Variants in NCKIPSD observed in about 807,000 individuals in gnomAD.
NCKIPSD encodes the protein NCK-interacting protein with SH3 domain.
NCKIPSD carries 48 observed loss-of-function variants against 73.4 expected under a neutral mutation model. The ratio of observed to expected loss-of-function variants is 0.65; its 90% CI spans 0.52 to 0.83. The LOEUF (loss-of-function observed/expected upper bound fraction) is 0.83. Among genes scored for constraint, NCKIPSD ranks in the 40% least tolerant of loss-of-function variants. The probability of loss-of-function intolerance (pLI) is 0.00; values close to 1 mark genes in which losing one functional copy is unlikely to be tolerated. For synonymous variants in NCKIPSD, 422 were observed against 403.6 expected (o/e 1.05, Z -0.54); for missense variants, 884 against 970.2 (o/e 0.91, Z 1.18).
intron 1 of NCKIPSD, 21 bp from the exon 2 acceptor site, chr3:48,683,033 C>T: frequency 1.3e-6 from 2 of 1,548,486 alleles, no homozygotes; most frequent in Middle Eastern, 1.7e-4. Flanking sequence ...CAGGGGACAG[C>T]AGTTAGACCT....
intron 1 of NCKIPSD, 87 bp downstream of exon 1, chr3:48,685,550 G>T: frequency 1.4e-6 from 2 of 1,418,294 alleles, no homozygotes; most frequent in South Asian, 1.4e-5. Flanking sequence ...GTCCCGGAGA[G>T]GGTGGGGTCC....
chr3:48,674,662 T>C lies in NCKIPSD; in HGVS notation c.2051A>G (p.Gln684Arg), dbSNP rs780518114. The change falls in exon 13 of 13, where the codon CAG (glutamine) becomes CGG (arginine). Residue 684 changes from glutamine (Q) to arginine (R), a missense_variant. By Grantham distance (43) the Gln-to-Arg change is conservative. Transcript: ENST00000294129. Reference protein sequence around the residue: ...LQHRHRLPDLQAILRRILNEE... With the variant: ...LQHRHRLPDLRAILRRILNEE... ...ATTCAGGATGCGTCGCAGTATGGCCTGCAGGTCGGGTAGCCGGTGGCGGTG... is the reference window on the plus strand; with the variant it reads ...ATTCAGGATGCGTCGCAGTATGGCCCGCAGGTCGGGTAGCCGGTGGCGGTG... 12 of 1,614,042 alleles carry C rather than the reference T, an allele frequency of 7.4e-6. No homozygotes were observed. Among genetic ancestry groups the C allele is most frequent in the Non-Finnish European group, 1.0e-5 (12 of 1,179,974 alleles).
Position 48,682,441 on chromosome 3 carries a change from G to A in NCKIPSD, c.393C>T (p.Ala131=). 1 of 1,614,180 alleles carries A rather than the reference G, an allele frequency of 6.2e-7. No homozygotes were observed. The highest frequency in any genetic ancestry group is 1.1e-5 in the South Asian group (1 of 91,088). ...TSDHHLDAAA[A]RQPNGVCRAG... ...CTCGACACACCCCATTGGGCTGCCT[G>A]GCTGCAGCAGCATCCAAGTGGTGGT... Residue 131 remains alanine, a synonymous_variant, in exon 3 of 13, where the codon GCC becomes GCT. Coordinates refer to ENST00000294129, the MANE Select transcript of NCKIPSD (RefSeq NM_016453.4).
At position 48,682,035 on chromosome 3, in the gene NCKIPSD, G is replaced by A. The variant is rs774076989; in HGVS notation, c.598+10C>T. 1 of 1,599,084 alleles carries A rather than the reference G, an allele frequency of 6.3e-7. No individual in the cohort carries two copies. The highest frequency in any genetic ancestry group is 8.5e-7 in the Non-Finnish European group (1 of 1,179,084). On this transcript the variant is annotated intron_variant, in intron 4 of 12. Transcript: ENST00000294129. ...CCTCCACCTGAATTCCCCTAACCCT[G>A]CCTTCTTACCACTCCCAGAGGCCAT... is the stretch of plus-strand genomic sequence containing the variant.
chr3:48,685,763 C>A lies in NCKIPSD; in HGVS notation c.45G>T (p.Ala15=). The A allele has an allele frequency of 1.3e-6, 2 of 1,532,928 alleles. No individual in the cohort carries two copies. Among genetic ancestry groups the A allele is most frequent in the South Asian group, 1.2e-5 (1 of 83,556 alleles). 95.0% of individuals were successfully genotyped at this position (1,532,928 alleles called of 1,614,324 possible). Residue 15 remains alanine, a synonymous_variant, in exon 1 of 13, where the codon GCG becomes GCT. Transcript: ENST00000294129. ...AGGTCTCGCCCGCGGCGAACGCCAG[C>A]GCGTTGGGCTCCGCCGAGCGGAACG... ...LYAFRSAEPN[A]LAFAAGETFL...
intron 5 of NCKIPSD, 118 bp downstream of exon 5, chr3:48,681,169 A>G (rs2077345812): frequency 7.0e-7 from 1 of 1,429,332 alleles, no homozygotes; most frequent in African/African-American, 1.4e-5. Flanking sequence ...AGTGCCCAGC[A>G]CAGTAAGAGC....
chr3:48,682,768 C>T, intron 2 of NCKIPSD, 135 bp downstream of exon 2: 6 of 1,331,372 alleles, frequency 4.5e-6, no homozygotes, highest in Non-Finnish European at 6.2e-6. Flanking sequence ...ACCTTGCTCA[C>T]TGGGAGGTGC....
rs1232174694 is a variant in NCKIPSD, at chr3:48,679,460, G to A, written c.1490-3C>T. 6 of 1,608,490 alleles carry A rather than the reference G, an allele frequency of 3.7e-6. No homozygotes were observed. Among genetic ancestry groups the A allele is most frequent in the Middle Eastern group, 1.7e-4 (1 of 6,026 alleles). On this transcript the variant is annotated splice_region_variant and splice_polypyrimidine_tract_variant and intron_variant, in intron 8 of 12. Coordinates refer to ENST00000294129, the MANE Select transcript of NCKIPSD (RefSeq NM_016453.4). Reference sequence around the variant, plus strand: ...AGAGTAACAGAGTTTCTGGTGGTCTGGGGGGGACAAGGCAGGCAGTCAGAG... The same window carrying A: ...AGAGTAACAGAGTTTCTGGTGGTCTAGGGGGGACAAGGCAGGCAGTCAGAG...
intron 2 of NCKIPSD, 72 bp from the exon 3 acceptor site, chr3:48,682,624 A>C: frequency 1.3e-6 from 2 of 1,539,974 alleles, no homozygotes; most frequent in Admixed American, 3.4e-5. Context: ...CCCCTGTGGG[A>C]TGCTGGGACC....
In NCKIPSD at chr3:48,679,559, C is replaced by T. The variant is rs915344571; in HGVS notation, c.1489+16G>A. 1.1e-5 allele frequency: 18 copies of T among 1,613,132 alleles called. No homozygotes were observed. Among genetic ancestry groups the T allele is most frequent in the Middle Eastern group, 3.3e-4 (2 of 6,080 alleles). ...GATAGCAGGAAGTTCCCTCCTACCC[C>T]GCCCTCCAGCCTCACCCTGCGTGTC... On this transcript the variant is annotated intron_variant, in intron 8 of 12. Coordinates refer to ENST00000294129, the MANE Select transcript of NCKIPSD (RefSeq NM_016453.4).
intron 12 of NCKIPSD, among the ~76,000 whole-genome samples, chr3:48,677,248 T>A (rs1459544487): frequency 6.6e-6 from 1 of 151,174 alleles, no homozygotes; most frequent in Non-Finnish European, 1.5e-5. Context: ...ATTAGCTGGG[T>A]GTGGTAGTGG....
In NCKIPSD at chr3:48,674,212, GA is replaced by G; in HGVS notation, c.*331del. On this transcript the variant is annotated 3_prime_UTR_variant, in exon 13 of 13. Coordinates refer to ENST00000294129, the MANE Select transcript of NCKIPSD (RefSeq NM_016453.4). Reference sequence around the variant, plus strand: ...CAGGATACAGACCAGGAGGGGTGGGGATGGGGGTCTGGTCCAGCCTGGAGCG... The same window carrying G: ...CAGGATACAGACCAGGAGGGGTGGGGTGGGGGTCTGGTCCAGCCTGGAGCG... The G allele has an allele frequency of 8.1e-7, 1 of 1,237,248 alleles. No individual in the cohort carries two copies. Among genetic ancestry groups the G allele is most frequent in the Non-Finnish European group, 1.0e-6 (1 of 978,520 alleles). 76.6% of individuals were successfully genotyped at this position (1,237,248 alleles called of 1,614,324 possible). A position where few individuals can be genotyped will look rare whatever the true frequency, so the allele number is the denominator to read the frequency against.
chr3:48,674,800 A>G, intron 12 of NCKIPSD, 53 bp from the exon 13 acceptor site: 1 of 1,582,764 alleles, frequency 6.3e-7, no homozygotes, highest in Non-Finnish European at 8.6e-7. Flanking sequence ...TGCAACCACC[A>G]CTGGACAGGG....
At chr3:48,676,786 C>A (rs2077262121) in intron 12 of NCKIPSD, among the ~76,000 whole-genome samples, 1 of 151,922 alleles carries the variant, frequency 6.6e-6, no homozygotes, top group Non-Finnish European at 1.5e-5. Flanking sequence ...AGCCACTGCA[C>A]CTGGCCAACA....
chr3:48,679,860 T>G lies in NCKIPSD; in HGVS notation c.1291A>C (p.Lys431Gln), dbSNP rs185388602. 39 of 1,614,232 alleles carry G rather than the reference T, an allele frequency of 2.4e-5. No homozygotes were observed. Among genetic ancestry groups the G allele is most frequent in the Non-Finnish European group, 3.3e-5 (39 of 1,180,044 alleles). ...TCGAACTCGTTTCTCTTGCACATTTTCTTGCAAACTTCAGGGTCTGCATCA... is the reference window on the plus strand; with the variant it reads ...TCGAACTCGTTTCTCTTGCACATTTGCTTGCAAACTTCAGGGTCTGCATCA... Reference protein sequence around the residue: ...LTDADPEVCKKMCKRNEFESV... With the variant: ...LTDADPEVCKQMCKRNEFESV... The change falls in exon 7 of 13, where the codon AAA becomes CAA. Residue 431 changes from lysine to glutamine, a missense_variant. Transcript: ENST00000294129.
rs375474983 is a variant in NCKIPSD, at chr3:48,677,377, GACAA to G, written c.1965+1183_1965+1186del. 9.8e-3 allele frequency among the ~76,000 whole-genome samples: 1,479 copies of G among 151,554 alleles called. 19 individuals carry two copies. Among genetic ancestry groups the G allele is most frequent in the African/African-American group, 0.031 (1,261 of 41,306 alleles). On this transcript the variant is annotated intron_variant, in intron 12 of 12. Coordinates refer to ENST00000294129, the MANE Select transcript of NCKIPSD (RefSeq NM_016453.4). ...CACTCCAGCCTTGGCAACAGTGGGA[GACAA>G]ACAAACAAACAAACAACAACAACAA...
chr3:48,682,951 G>T lies in NCKIPSD; in HGVS notation c.233C>A (p.Ala78Asp), dbSNP rs757071575. ...DRAIEAVHNT[A>D]MRDGGKYSLE... ...GCTGTACTTGCCACCATCCCGCATG[G>T]CTGTGTTGTGTACAGCCTCGATGGC... The change falls in exon 2 of 13, where the codon GCC (alanine) becomes GAC (aspartate). Residue 78 changes from alanine to aspartate, a missense_variant. Transcript: ENST00000294129. 3.5e-5 allele frequency: 54 copies of T among 1,552,982 alleles called. No homozygotes were observed. The highest frequency in any genetic ancestry group is 4.5e-5 in the Non-Finnish European group (52 of 1,148,468).
Position 48,681,482 on chromosome 3 carries a change from C to CT in NCKIPSD, c.896dup (p.Glu300GlyfsTer6). ...CAGCCGCCTCAGCTGCTGCCTTCTC[C>CT]TCTGTGGTCCCCAGGCTCAGTGTAC... On this transcript the variant is annotated frameshift_variant, in exon 5 of 13. Transcript: ENST00000294129. LOFTEE classifies it high-confidence loss of function. 1 of 1,614,194 alleles carries CT rather than the reference C, an allele frequency of 6.2e-7. No homozygotes were observed. Among genetic ancestry groups the CT allele is most frequent in the Non-Finnish European group, 8.5e-7 (1 of 1,180,046 alleles).
Position 48,681,649 on chromosome 3 carries a change from G to A in NCKIPSD, c.730C>T (p.Pro244Ser), listed in dbSNP as rs760843079. 6.2e-7 allele frequency: 1 copy of A among 1,611,776 alleles called. No homozygotes were observed. The highest frequency in any genetic ancestry group is 1.1e-5 in the South Asian group (1 of 90,844). ...TGGGTGCCTCGGCGGGGCACAGGTG[G>A]GGGTGTGGGTGAGCAGCTGGAGCCT... ...EPGSSCSPTP[P>S]PVPRRGTHTT... Residue 244 changes from proline to serine, a missense_variant, in exon 5 of 13, where the codon CCA (proline) becomes TCA (serine). Transcript: ENST00000294129.
Sources: allele counts gnomAD v4.1 joint callset (sites outside exome capture counted in the v4.1 genomes callset), GRCh38; gene constraint gnomAD v4.1.1; transcripts MANE v1.5; gene names NCBI Gene and HGNC (gene_info 2026-07-23, HGNC 2026-07-21).